The following DRICH1 variants were observed in gnomAD, a reference collection of about 807,000 sequenced individuals.
DRICH1 encodes the protein aspartate rich 1, also known as aspartate-rich protein 1.
DRICH1 carries 38 observed loss-of-function variants against 39.5 expected under a neutral mutation model. That is an observed-to-expected ratio of 0.96 (90% confidence interval 0.74 to 1.26). The LOEUF (loss-of-function observed/expected upper bound fraction) is 1.26. Among genes scored for constraint, DRICH1 ranks in the 50% most tolerant of loss-of-function variants. The pLI is 0.00. For synonymous variants in DRICH1, 84 were observed against 99.5 expected (o/e 0.84, Z 0.93); for missense variants, 279 against 270.4 (o/e 1.03, Z -0.22).
chr22:23,621,607 G>A (rs1025012936), intron 4 of DRICH1, among the ~76,000 whole-genome samples: 3 of 152,010 alleles, frequency 2.0e-5, no homozygotes, highest in Admixed American at 2.0e-4. Context: ...GATCTTGCAA[G>A]ACTGTCATTA....
chr22:23,598,310 A>G, the DRICH1 span, among the ~76,000 whole-genome samples: 12,590 of 131,962 alleles, frequency 0.095, 316 homozygotes, highest in African/African-American at 0.18. Context: ...CCACAGGCCC[A>G]GGCAAGAACT....
At chr22:23,628,969 G>GAA (rs1296599425) in intron 1 of DRICH1, among the ~76,000 whole-genome samples, 1 of 152,188 alleles carries the variant, frequency 6.6e-6, no homozygotes, top group Non-Finnish European at 1.5e-5. Context: ...CTCCTACTCA[G>GAA]AAGGGGTCTC....
At chr22:23,590,045 C>A in the DRICH1 span, among the ~76,000 whole-genome samples, 4 of 152,062 alleles carry the variant, frequency 2.6e-5, no homozygotes, top group Non-Finnish European at 5.9e-5. Context: ...AGGGAGGCAG[C>A]CTCTTGTGGA....
chr22:23,622,931 T>G (rs2123787255), intron 3 of DRICH1, among the ~76,000 whole-genome samples: 1 of 152,302 alleles, frequency 6.6e-6, no homozygotes. Context: ...CTTTCTGCCA[T>G]GAGGATAAGT....
chr22:23,607,808 T>C (rs1926821462), downstream of DRICH1, among the ~76,000 whole-genome samples: 1 of 152,192 alleles, frequency 6.6e-6, no homozygotes, highest in Non-Finnish European at 1.5e-5. Context: ...CTATGTCCAC[T>C]GTGACCACCA....
downstream of DRICH1, among the ~76,000 whole-genome samples, chr22:23,605,245 A>C (rs575893482): frequency 2.3e-4 from 35 of 152,266 alleles, no homozygotes; most frequent in East Asian, 6.0e-3. Context: ...CTCCCACCAC[A>C]CACAGAGGGC....
At chr22:23,597,740 A>G in the DRICH1 span, among the ~76,000 whole-genome samples, 4 of 150,584 alleles carry the variant, frequency 2.7e-5, no homozygotes, top group African/African-American at 9.8e-5. Context: ...CCAGGACCCA[A>G]GGTGGAGCTC....
At chr22:23,628,266 TC>T (rs1238442717) in intron 1 of DRICH1, among the ~76,000 whole-genome samples, 2 of 152,136 alleles carry the variant, frequency 1.3e-5, no homozygotes, top group African/African-American at 4.8e-5. Flanking sequence ...GGGGGCTCTG[TC>T]CAGTTGATAC....
chr22:23,599,716 T>C, the DRICH1 span, among the ~76,000 whole-genome samples: 41 of 152,130 alleles, frequency 2.7e-4, no homozygotes, highest in African/African-American at 9.7e-4. Context: ...CCAGCCCTGG[T>C]TCAAGCTCCC....
At chr22:23,584,486 A>G in the DRICH1 span, among the ~76,000 whole-genome samples, 2 of 152,244 alleles carry the variant, frequency 1.3e-5, no homozygotes, top group African/African-American at 4.8e-5. Context: ...ATACAGGACC[A>G]TTTTCCTCAG....
chr22:23,592,833 A>AGTACACAC, the DRICH1 span, among the ~76,000 whole-genome samples: 8 of 107,800 alleles, frequency 7.4e-5, no homozygotes, highest in African/African-American at 2.7e-4. Flanking sequence ...CTCTATTAAA[A>AGTACACAC]ATACACACAC....
the DRICH1 span, chr22:23,583,067 C>A: frequency 2.6e-5 from 4 of 152,230 alleles, no homozygotes; most frequent in African/African-American, 9.7e-5. Flanking sequence ...AGAGCTGACT[C>A]CAGCTGGAGA....
upstream of DRICH1, among the ~76,000 whole-genome samples, chr22:23,632,483 C>T (rs1271714745): frequency 6.6e-6 from 1 of 152,150 alleles, no homozygotes; most frequent in Non-Finnish European, 1.5e-5. Context: ...ACCTTGTGGC[C>T]CCCCTGCCCC....
chr22:23,586,366 G>A, the DRICH1 span, among the ~76,000 whole-genome samples: 1 of 152,214 alleles, frequency 6.6e-6, no homozygotes, highest in African/African-American at 2.4e-5. Context: ...ACTTGCACCT[G>A]TAGTCCCAGC....
rs775895089 is a variant in DRICH1, at chr22:23,631,963, C to T, written c.61G>A (p.Ala21Thr). Reference protein sequence around the residue: ...SHCGWPRGKDAPCYESDTDIY... With the variant: ...SHCGWPRGKDTPCYESDTDIY... ...TCAGTATCAGATTCATAACAGGGTGCGTCCTTCCCCCTGGGCCAGCCACAG... is the reference window on the plus strand; with the variant it reads ...TCAGTATCAGATTCATAACAGGGTGTGTCCTTCCCCCTGGGCCAGCCACAG... The change falls in exon 1 of 12, where the codon GCA (alanine) becomes ACA (threonine). Residue 21 changes from alanine to threonine, a missense_variant. By Grantham distance (58) the Ala-to-Thr change is moderately conservative. Transcript: ENST00000317749. 3.8e-5 allele frequency: 62 copies of T among 1,613,674 alleles called. No individual in the cohort carries two copies. Among genetic ancestry groups the T allele is most frequent in the South Asian group, 2.3e-4 (21 of 91,050 alleles).
chr22:23,584,212 T>C, the DRICH1 span, among the ~76,000 whole-genome samples: 1 of 152,212 alleles, frequency 6.6e-6, no homozygotes, highest in African/African-American at 2.4e-5. Context: ...CAGAGGAGGC[T>C]GGGCCCTGCT....
intron 2 of DRICH1, 78 bp from the exon 3 acceptor site, chr22:23,624,982 T>C (rs1927976431): frequency 6.6e-7 from 1 of 1,519,656 alleles, no homozygotes; most frequent in Non-Finnish European, 9.1e-7. Context: ...GTTATTCTCT[T>C]GATGACTTCA....
the DRICH1 span, among the ~76,000 whole-genome samples, chr22:23,587,062 G>A: frequency 1.6e-4 from 24 of 152,208 alleles, no homozygotes; most frequent in East Asian, 3.7e-3. Context: ...ACTTACCTGT[G>A]CCCTTATCGT....
chr22:23,622,695 G>A (rs529184263), intron 3 of DRICH1, among the ~76,000 whole-genome samples: 1 of 86,586 alleles, frequency 1.2e-5, no homozygotes, highest in Non-Finnish European at 2.6e-5. Flanking sequence ...AAAAGAATAT[G>A]AAAATGCTAC....
Sources: allele counts gnomAD v4.1 joint callset (sites outside exome capture counted in the v4.1 genomes callset), GRCh38; gene constraint gnomAD v4.1.1; transcripts MANE v1.5; gene names NCBI Gene and HGNC (gene_info 2026-07-23, HGNC 2026-07-21).